CTNNA2: variants seen among roughly 807,000 people sequenced by gnomAD.
CTNNA2 encodes catenin alpha-2.
In CTNNA2, 42 loss-of-function variants were observed where a neutral mutation model predicts 101.0. That is an observed-to-expected ratio of 0.42 (90% CI 0.32 to 0.54). The LOEUF is 0.54. CTNNA2 is among the 20% of genes least tolerant of loss of function. The probability of loss-of-function intolerance (pLI) is 0.14; values close to 1 mark genes in which losing one functional copy is unlikely to be tolerated. For synonymous variants in CTNNA2, 450 were observed against 456.4 expected, an observed-to-expected ratio of 0.99 and a Z score of 0.18; for missense variants, 871 against 1,223.1, an observed-to-expected ratio of 0.71 and a Z score of 4.29.
intron 7 of CTNNA2, among the ~76,000 whole-genome samples, chr2:80,330,785 T>C (rs1303033774): frequency 2.0e-5 from 3 of 152,052 alleles, no homozygotes; most frequent in African/African-American, 4.8e-5. Flanking sequence ...GCTCCACCAG[T>C]GTCTTTATTA....
chr2:79,438,815 A>G (rs1040984876), intron 4 of CTNNA2, among the ~76,000 whole-genome samples: 1 of 152,248 alleles, frequency 6.6e-6, no homozygotes, highest in African/African-American at 2.4e-5. Flanking sequence ...ATACCTGAAA[A>G]GATGCTCAGT....
chr2:79,954,681 G>A (rs1253913447), intron 7 of CTNNA2, among the ~76,000 whole-genome samples: 3 of 152,152 alleles, frequency 2.0e-5, no homozygotes, highest in South Asian at 4.1e-4. Context: ...CAACTACACT[G>A]TGCACACTGG....
At chr2:80,454,109 T>A (rs567695449) in intron 9 of CTNNA2, among the ~76,000 whole-genome samples, 27 of 152,324 alleles carry the variant, frequency 1.8e-4, no homozygotes, top group African/African-American at 5.8e-4. Context: ...CAAGGGAGGC[T>A]GTCTGAGAAC....
intron 18 of CTNNA2, among the ~76,000 whole-genome samples, chr2:80,634,252 C>T (rs1422506514): frequency 6.6e-6 from 1 of 152,018 alleles, no homozygotes; most frequent in Non-Finnish European, 1.5e-5. Flanking sequence ...CAAATTAAGG[C>T]ATGAGGATGG....
At chr2:80,009,756 GAGAGAGAC>G (rs1332883691) in intron 7 of CTNNA2, among the ~76,000 whole-genome samples, 2 of 148,108 alleles carry the variant, frequency 1.4e-5, no homozygotes, top group Admixed American at 6.7e-5. Context: ...GTGTGTCAGA[GAGAGAGAC>G]AGAGAGAGAC....
At chr2:79,274,518 A>T (rs1450681934) in intron 2 of CTNNA2, among the ~76,000 whole-genome samples, 1 of 152,076 alleles carries the variant, frequency 6.6e-6, no homozygotes, top group African/African-American at 2.4e-5. Context: ...AAAATAAATA[A>T]CCTCTTATCT....
At chr2:80,217,032 A>G (rs1233915555) in intron 7 of CTNNA2, among the ~76,000 whole-genome samples, 2 of 151,908 alleles carry the variant, frequency 1.3e-5, no homozygotes, top group East Asian at 3.9e-4. Context: ...GAATTTCACC[A>G]TGTTGGCCAG....
At chr2:79,424,005 C>T (rs182349451) in intron 4 of CTNNA2, among the ~76,000 whole-genome samples, 1 of 152,154 alleles carries the variant, frequency 6.6e-6, no homozygotes, top group African/African-American at 2.4e-5. Flanking sequence ...ATGCTCTCCA[C>T]TGCTTGTGAT....
intron 6 of CTNNA2, among the ~76,000 whole-genome samples, chr2:79,877,802 T>A (rs1186985346): frequency 2.0e-5 from 3 of 152,196 alleles, no homozygotes; most frequent in African/African-American, 7.2e-5. Context: ...ATGCAAAATA[T>A]ATTTTCATAG....
chr2:80,516,496 C>T (rs562481329), intron 9 of CTNNA2, among the ~76,000 whole-genome samples: 40 of 152,170 alleles, frequency 2.6e-4, no homozygotes, highest in Non-Finnish European at 5.0e-4. Flanking sequence ...CCTCAAAGCA[C>T]CTCAAATAGG....
intron 7 of CTNNA2, among the ~76,000 whole-genome samples, chr2:80,052,164 A>G (rs1419093652): frequency 6.6e-6 from 1 of 152,224 alleles, no homozygotes; most frequent in African/African-American, 2.4e-5. Context: ...TAACATTTTC[A>G]AAAAAAGAAA....
chr2:79,955,130 G>A (rs1226941896), intron 7 of CTNNA2, among the ~76,000 whole-genome samples: 1 of 152,076 alleles, frequency 6.6e-6, no homozygotes, highest in Non-Finnish European at 1.5e-5. Flanking sequence ...TTTTATTATG[G>A]CAGAATCTGA....
chr2:80,023,706 AG>A (rs1482186929), intron 7 of CTNNA2, among the ~76,000 whole-genome samples: 3 of 152,190 alleles, frequency 2.0e-5, no homozygotes, highest in Admixed American at 2.0e-4. Context: ...CCACTTCCTT[AG>A]AAATGTGTAT....
chr2:79,959,028 A>G (rs1248691638), intron 7 of CTNNA2, among the ~76,000 whole-genome samples: 1 of 151,506 alleles, frequency 6.6e-6, no homozygotes, highest in East Asian at 2.0e-4. Context: ...TTGTAACCGT[A>G]TCTTACTCGA....
intron 2 of CTNNA2, among the ~76,000 whole-genome samples, chr2:79,216,488 G>A (rs1674261744): frequency 6.6e-6 from 1 of 151,712 alleles, no homozygotes; most frequent in Non-Finnish European, 1.5e-5. Flanking sequence ...GTTGGGGCAT[G>A]GAAATAAGGG....
chr2:79,851,431 G>A (rs1019243568), intron 3 of CTNNA2, among the ~76,000 whole-genome samples: 1 of 152,162 alleles, frequency 6.6e-6, no homozygotes, highest in Non-Finnish European at 1.5e-5. Flanking sequence ...CTCTGTAAGT[G>A]TGTGAGCTCA....
intron 7 of CTNNA2, among the ~76,000 whole-genome samples, chr2:80,174,484 T>A (rs889286266): frequency 6.6e-6 from 1 of 152,174 alleles, no homozygotes; most frequent in Admixed American, 6.5e-5. Flanking sequence ...TATGCCATAA[T>A]TGAGCTCATT....
chr2:79,318,223 T>A (rs1676541552), intron 3 of CTNNA2, among the ~76,000 whole-genome samples: 1 of 152,134 alleles, frequency 6.6e-6, no homozygotes, highest in Non-Finnish European at 1.5e-5. Context: ...TACCCACATG[T>A]ATTGTCATGT....
At chr2:80,586,840 T>C (rs1035546505) in intron 14 of CTNNA2, among the ~76,000 whole-genome samples, 6 of 152,180 alleles carry the variant, frequency 3.9e-5, no homozygotes, top group Non-Finnish European at 8.8e-5. Flanking sequence ...CATACATGTA[T>C]CCATGGAAGT....
Sources: gnomAD v4.1 joint callset for allele counts (sites outside exome capture counted in the v4.1 genomes callset) on GRCh38, gnomAD v4.1.1 for gene constraint, MANE v1.5 for transcripts, NCBI Gene and HGNC (gene_info 2026-07-23, HGNC 2026-07-21) for gene names.